The following CHD1 variants were observed in gnomAD, a reference collection of about 807,000 sequenced individuals.
CHD1 encodes the protein chromodomain helicase DNA binding protein 1.
Under a neutral mutation model 224.2 loss-of-function variants are expected in CHD1, and 36 were observed. The ratio of observed to expected loss-of-function variants is 0.16; its 90% CI spans 0.12 to 0.21. CHD1 has a LOEUF of 0.21. CHD1 is among the 10% of genes least tolerant of loss of function. The probability of loss-of-function intolerance (pLI) is 1.00; values close to 1 mark genes in which losing one functional copy is unlikely to be tolerated. For missense variants in CHD1, 1,378 were observed against 1,994.8 expected (o/e 0.69, Z 5.89); for synonymous variants, 668 against 658.3 (o/e 1.01, Z -0.23).
At chr5:98,925,229 A>T (rs547679751) in intron 2 of CHD1, among the ~76,000 whole-genome samples, 1 of 152,280 alleles carries the variant, frequency 6.6e-6, no homozygotes, top group East Asian at 1.9e-4. Context: ...AGCCCTTTAC[A>T]TGAAGCATCT....
chr5:98,923,412 G>A (rs986573168), intron 2 of CHD1, among the ~76,000 whole-genome samples: 2 of 143,554 alleles, frequency 1.4e-5, no homozygotes, highest in Admixed American at 1.4e-4. Context: ...GATTTCGCAA[G>A]GTTTAATTTT....
At chr5:98,868,331 G>GAAAAAA (rs58475767) in intron 31 of CHD1, among the ~76,000 whole-genome samples, 164 bp downstream of exon 31, 1,291 of 91,692 alleles carry the variant, frequency 0.014, 20 homozygotes, top group Non-Finnish European at 0.024. Context: ...ACTCAAAAAA[G>GAAAAAA]AAAAAAAAAA....
intron 2 of CHD1, among the ~76,000 whole-genome samples, chr5:98,913,671 T>G (rs938649875): frequency 2.6e-5 from 4 of 152,346 alleles, no homozygotes; most frequent in African/African-American, 9.6e-5. Context: ...GCCTCAGGTT[T>G]CTGCCACATA....
chr5:98,884,030 T>C (rs1413555780), intron 18 of CHD1: 4 of 149,434 alleles, frequency 2.7e-5, no homozygotes, highest in African/African-American at 7.5e-5. Flanking sequence ...TTAGTAGAGA[T>C]GCGGTTTCAC....
Position 98,854,287 on chromosome 5 carries a change from G to C in CHD1, c.*2093C>G, listed in dbSNP as rs1747873983. 6.6e-6 allele frequency: 1 copy of C among 151,992 alleles called. No homozygotes were observed. Among genetic ancestry groups the C allele is most frequent in the East Asian group, 1.9e-4 (1 of 5,188 alleles). 9.4% of individuals were successfully genotyped at this position (151,992 alleles called of 1,614,324 possible). On this transcript the variant is annotated 3_prime_UTR_variant, in exon 36 of 36. Transcript: ENST00000614616. ...TGACTGAAACTTTCAACTAAATGTA[G>C]CACTATTTAAAAAATTAGAGCCTTA...
intron 18 of CHD1, among the ~76,000 whole-genome samples, chr5:98,884,175 A>T (rs1277884134): frequency 1.4e-5 from 2 of 142,916 alleles, no homozygotes; most frequent in South Asian, 4.4e-4. Flanking sequence ...CCGGGTTCAC[A>T]CCATTCTCCT....
intron 12 of CHD1, among the ~76,000 whole-genome samples, chr5:98,895,362 CA>C (rs1175303782): frequency 6.6e-6 from 1 of 152,076 alleles, no homozygotes; most frequent in African/African-American, 2.4e-5. Context: ...GAGGTATAGA[CA>C]AAACAAAACT....
intron 18 of CHD1, among the ~76,000 whole-genome samples, chr5:98,884,720 C>A (rs1191269081): frequency 2.0e-5 from 3 of 150,096 alleles, no homozygotes; most frequent in Non-Finnish European, 3.0e-5. Context: ...TTTTTCTTTC[C>A]CTTTTTTTTT....
intron 29 of CHD1, among the ~76,000 whole-genome samples, chr5:98,870,379 AGG>A (rs1354704618): frequency 6.6e-6 from 1 of 152,100 alleles, no homozygotes; most frequent in African/African-American, 2.4e-5. Context: ...ACAGTCATGT[AGG>A]CTATGTAAGG....
chr5:98,869,652 AG>A, intron 30 of CHD1, 101 bp downstream of exon 30: 2 of 1,277,674 alleles, frequency 1.6e-6, no homozygotes, highest in Non-Finnish European at 2.2e-6. Flanking sequence ...ACACACACAC[AG>A]ACTTCGGTAC....
At chr5:98,861,935 T>C (rs2112458957) in intron 32 of CHD1, among the ~76,000 whole-genome samples, 1 of 152,222 alleles carries the variant, frequency 6.6e-6, no homozygotes, top group South Asian at 2.1e-4. Context: ...GGCAGGCAGA[T>C]TCCTTGAGGT....
intron 17 of CHD1, among the ~76,000 whole-genome samples, chr5:98,886,551 T>C (rs754713885): frequency 4.6e-5 from 7 of 152,192 alleles, no homozygotes; most frequent in Non-Finnish European, 1.0e-4. Flanking sequence ...GATCCATGCA[T>C]TTAACCGACG....
chr5:98,866,730 T>C (rs1748900164), intron 31 of CHD1, among the ~76,000 whole-genome samples: 1 of 152,176 alleles, frequency 6.6e-6, no homozygotes, highest in Non-Finnish European at 1.5e-5. Flanking sequence ...ATTGTAACTA[T>C]ATATAAACAT....
Position 98,928,982 on chromosome 5 carries a change from C to T in CHD1, c.-592G>A, listed in dbSNP as rs1753712284. ...CGCGCGACGTAAGCGCCTCTGCTCA[C>T]TCCCCTTCCCGACAGAGCGCGAGGC... is the stretch of plus-strand genomic sequence containing the variant. On this transcript the variant is annotated 5_prime_UTR_variant, in exon 1 of 36. The change creates a new upstream start codon in the 5' untranslated region. Transcript: ENST00000614616. 1 of 152,834 alleles carries T rather than the reference C, an allele frequency of 6.5e-6. No homozygotes were observed. Among genetic ancestry groups the T allele is most frequent in the Non-Finnish European group, 1.5e-5 (1 of 68,344 alleles). 9.5% of individuals were successfully genotyped at this position (152,834 alleles called of 1,614,324 possible).
chr5:98,883,070 A>T lies in CHD1; in HGVS notation c.2718+18T>A. The T allele has an allele frequency of 7.1e-7, 1 of 1,400,324 alleles. No individual in the cohort carries two copies. The highest frequency in any genetic ancestry group is 9.4e-7 in the Non-Finnish European group (1 of 1,065,458). The allele number at this position is 1,400,324 out of a possible 1,614,324, so 86.7% of individuals were successfully genotyped here. A position where few individuals can be genotyped will look rare whatever the true frequency, so the allele number is the denominator to read the frequency against. Reference sequence around the variant, plus strand: ...AATTCTAAAACAGCAATATAATATAAATTAAAATTAAAAATACCTGTTTCT... The same window carrying T: ...AATTCTAAAACAGCAATATAATATATATTAAAATTAAAAATACCTGTTTCT... On this transcript the variant is annotated intron_variant, in intron 19 of 35. Coordinates refer to ENST00000614616, the MANE Select transcript of CHD1 (RefSeq NM_001270.4).
chr5:98,862,248 C>G (rs553151372), intron 32 of CHD1, among the ~76,000 whole-genome samples: 2 of 152,304 alleles, frequency 1.3e-5, no homozygotes, highest in South Asian at 4.1e-4. Context: ...CCCATCTCCC[C>G]CTTAAGGGAA....
Position 98,875,768 on chromosome 5 carries a change from T to G in CHD1, c.3398+630A>C, listed in dbSNP as rs1294524775. On this transcript the variant is annotated intron_variant, in intron 24 of 35. Coordinates refer to ENST00000614616, the MANE Select transcript of CHD1 (RefSeq NM_001270.4). ...TTTAAAAGAAAAAAGTTACAATGGC[T>G]TCAAAGAAACTTTCAAAATACAAAA... Among the ~76,000 whole-genome samples, 4 of 152,304 alleles carry G rather than the reference T, an allele frequency of 2.6e-5. No homozygotes were observed. In the East Asian group the frequency reaches 5.8e-4, roughly 22 times the overall value.
chr5:98,911,145 AAATATATATATAT>A (rs1395754340), intron 2 of CHD1, among the ~76,000 whole-genome samples: 19 of 95,412 alleles, frequency 2.0e-4, no homozygotes, highest in Admixed American at 3.2e-4. Context: ...AAAAAAAAAA[AAATATATATATAT>A]ATATATATAT....
At chr5:98,902,715 T>A (rs1302571032) in intron 5 of CHD1, among the ~76,000 whole-genome samples, 185 bp downstream of exon 5, 1 of 152,030 alleles carries the variant, frequency 6.6e-6, no homozygotes, top group Non-Finnish European at 1.5e-5. Context: ...CCTCAGGTGG[T>A]CACAGAAAGA....
Sources: gnomAD v4.1 joint callset for allele counts (sites outside exome capture counted in the v4.1 genomes callset) on GRCh38, gnomAD v4.1.1 for gene constraint, MANE v1.5 for transcripts, NCBI Gene and HGNC (gene_info 2026-07-23, HGNC 2026-07-21) for gene names.